Variants in BMP1 observed in about 807,000 individuals in gnomAD.
BMP1 encodes the protein mammalian tolloid protein.
A neutral mutation model predicts 116.8 loss-of-function variants in BMP1; 63 were observed. The observed-to-expected ratio is 0.54, with a 90% CI of 0.44 to 0.67. BMP1 has a LOEUF of 0.67. Among genes scored for constraint, BMP1 ranks in the 30% least tolerant of loss-of-function variants. BMP1 has a pLI of 0.00. For synonymous variants in BMP1, 536 were observed against 533.4 expected, an observed-to-expected ratio of 1.00 and a Z score of -0.07; for missense variants, 1,183 against 1,358.9, an observed-to-expected ratio of 0.87 and a Z score of 2.04.
At chr8:22,174,393 C>T (rs79922533) in intron 2 of BMP1, among the ~76,000 whole-genome samples, 1 of 152,074 alleles carries the variant, frequency 6.6e-6, no homozygotes. Flanking sequence ...TTCTTCTTAT[C>T]CTTGATTGTG....
At chr8:22,187,323 TAATTA>T (rs1349462449) in intron 8 of BMP1, among the ~76,000 whole-genome samples, 1 of 150,294 alleles carries the variant, frequency 6.7e-6, no homozygotes, top group African/African-American at 2.4e-5. Flanking sequence ...TTTAATTAAT[TAATTA>T]ATTTATTTAT....
At chr8:22,186,345 T>C (rs1216113466) in intron 8 of BMP1, among the ~76,000 whole-genome samples, 1 of 152,156 alleles carries the variant, frequency 6.6e-6, no homozygotes, top group Non-Finnish European at 1.5e-5. Flanking sequence ...ATGTGGAGGA[T>C]TGGAGGAGGG....
rs552757842 is a variant in BMP1, at chr8:22,173,551, A to T, written c.149-51A>T. On this transcript the variant is annotated intron_variant, in intron 1 of 19. Coordinates refer to ENST00000306385, the MANE Select transcript of BMP1 (RefSeq NM_006129.5). ...TTGGGGCTAGAAGCACGGTGCACCT[A>T]GGGCTGGGTAGGAGGATTAACTCAG... 6.5e-5 allele frequency: 95 copies of T among 1,452,078 alleles called. No homozygotes were observed. In the South Asian group the frequency reaches 1.1e-3, roughly 17 times the overall value. 89.9% of individuals were successfully genotyped at this position (1,452,078 alleles called of 1,614,324 possible).
intron 8 of BMP1, 58 bp from the exon 9 acceptor site, chr8:22,191,991 C>A: frequency 6.8e-7 from 1 of 1,468,530 alleles, no homozygotes; most frequent in Non-Finnish European, 9.5e-7. Context: ...ATGGGGCTGG[C>A]AGAGGGCTGG....
chr8:22,191,482 A>T (rs892795891), intron 8 of BMP1, among the ~76,000 whole-genome samples: 1 of 152,170 alleles, frequency 6.6e-6, no homozygotes, highest in Non-Finnish European at 1.5e-5. Context: ...GCACTCCTGT[A>T]ATCCCAGCAC....
Position 22,194,316 on chromosome 8 carries a change from G to A in BMP1, c.1298-129G>A, listed in dbSNP as rs1027562003. The A allele has an allele frequency of 6.9e-7, 1 of 1,459,392 alleles. No homozygotes were observed. The highest frequency in any genetic ancestry group is 9.4e-7 in the Non-Finnish European group (1 of 1,059,330). The allele number at this position is 1,459,392 out of a possible 1,614,324, so 90.4% of individuals were successfully genotyped here. On this transcript the variant is annotated intron_variant, in intron 10 of 19. Coordinates refer to ENST00000306385, the MANE Select transcript of BMP1 (RefSeq NM_006129.5). This position sits in a 1 kb window ranked among gnomAD's most constrained non-coding sequence, Gnocchi z 4.5. ...GAGAATGATGGGATTGCCTGGGACT[G>A]GGGGTTTGGTGGGGAACTGAAAAGC...
intron 17 of BMP1, 133 bp from the exon 18 acceptor site, chr8:22,207,170 C>T: frequency 7.6e-7 from 1 of 1,316,802 alleles, no homozygotes; most frequent in Non-Finnish European, 1.1e-6. Flanking sequence ...TATTCCTGGG[C>T]CCTCCTTCAC....
chr8:22,178,001 A>AAT, intron 6 of BMP1, 44 bp downstream of exon 6: 1 of 1,451,944 alleles, frequency 6.9e-7, no homozygotes, highest in East Asian at 2.3e-5. Context: ...GGGCAGCCCC[A>AAT]CCCTGCCCTC....
chr8:22,204,722 C>G (rs1001728885), intron 16 of BMP1, among the ~76,000 whole-genome samples: 1 of 150,632 alleles, frequency 6.6e-6, no homozygotes, highest in Non-Finnish European at 1.5e-5. Context: ...GACCCTGTCC[C>G]CCCCCACCCC....
rs537028437 is a variant in BMP1 at position 22,177,243 on chromosome 8, CG to C, written c.730+105del. The stretch of plus-strand genomic sequence containing the variant: ...GGCAGCCGCTCCAGCCAGCCGTCAT[CG>C]CCTGGGCCCGCAGCGCTGCCCACAG... On this transcript the variant is annotated intron_variant, in intron 5 of 19. Transcript: ENST00000306385. 8.2e-6 allele frequency: 10 copies of C among 1,223,416 alleles called. No individual in the cohort carries two copies. In the East Asian group the frequency reaches 2.6e-4, roughly 31 times the overall value. 75.8% of individuals were successfully genotyped at this position (1,223,416 alleles called of 1,614,324 possible). A position where few individuals can be genotyped will look rare whatever the true frequency, so the allele number is the denominator to read the frequency against.
Position 22,206,738 on chromosome 8 carries a change from A to C in BMP1, c.2234-116A>C, listed in dbSNP as rs1297457406. On this transcript the variant is annotated intron_variant, in intron 16 of 19. Transcript: ENST00000306385. ...GATGCCTGCCTGCCATCCAGTTCAT[A>C]AGTGGGACAAGAGATGGAAGAAAGG... 8.9e-6 allele frequency: 13 copies of C among 1,459,712 alleles called. 1 individual carries two copies. The South Asian group carries it at 1.4e-4, about 15-fold the overall frequency. 90.4% of individuals were successfully genotyped at this position (1,459,712 alleles called of 1,614,324 possible).
At chr8:22,207,679 G>A (rs921474184) in intron 18 of BMP1, among the ~76,000 whole-genome samples, 163 bp downstream of exon 18, 2 of 152,280 alleles carry the variant, frequency 1.3e-5, no homozygotes, top group Middle Eastern at 6.8e-3. Flanking sequence ...ACCAGGCCTG[G>A]GGGGCAGGGA....
rs757906589 is a variant in BMP1 at position 22,206,988 on chromosome 8, G to T, written c.2361+7G>T. ...CGGGCACCGGGTCAAGCTGGTAAGG[G>T]GTCCCCTCCCCACTCCTTATGCGGT... On this transcript the variant is annotated splice_region_variant and intron_variant, in intron 17 of 19. Transcript: ENST00000306385. The T allele has an allele frequency of 6.2e-7, 1 of 1,613,970 alleles. No homozygotes were observed. The highest frequency in any genetic ancestry group is 8.5e-7 in the Non-Finnish European group (1 of 1,179,932).
At chr8:22,196,649 G>A (rs774026210) in intron 13 of BMP1, 31 bp from the exon 14 acceptor site, 98 of 1,612,690 alleles carry the variant, frequency 6.1e-5, no homozygotes, top group Non-Finnish European at 7.5e-5. Flanking sequence ...GGGGCTCCCC[G>A]CAGACGATGC....
At chr8:22,200,455 G>C (rs752765690) in intron 15 of BMP1, among the ~76,000 whole-genome samples, 2 of 152,214 alleles carry the variant, frequency 1.3e-5, no homozygotes, top group Non-Finnish European at 2.9e-5. Flanking sequence ...TGGGAATGCA[G>C]AGTGTGTATT....
rs1264208772 is a variant in BMP1, at chr8:22,209,569, C to T, written c.2700C>T (p.Tyr900=). ...CEWVIVAEEG[Y]GVELVFQTFE... ...GGGTCATTGTGGCCGAGGAAGGCTA[C>T]GGCGTGGAGCTCGTGTTCCAGACCT... is the stretch of plus-strand genomic sequence containing the variant. Residue 900 remains tyrosine, a synonymous_variant, in exon 19 of 20, where the codon TAC becomes TAT. Transcript: ENST00000306385. 3.6e-5 allele frequency: 58 copies of T among 1,614,110 alleles called. No individual in the cohort carries two copies. Among genetic ancestry groups the T allele is most frequent in the Admixed American group, 5.0e-5 (3 of 60,004 alleles).
Position 22,201,243 on chromosome 8 carries a change from C to T in BMP1, c.2108-560C>T, listed in dbSNP as rs1473709245. The T allele has an allele frequency of 3.8e-6, 6 of 1,593,914 alleles. No homozygotes were observed. The South Asian group carries it at 4.5e-5, about 12-fold the overall frequency. On this transcript the variant is annotated intron_variant, in intron 15 of 19. Transcript: ENST00000306385. The stretch of plus-strand genomic sequence containing the variant: ...CCCGGACCCCTTGTTACTCAGGAAC[C>T]TCACCTTGGACGGAATGGGATGGGG...
rs530282445 is a variant in BMP1 at position 22,190,113 on chromosome 8, T to C, written c.1078-1936T>C. Reference sequence around the variant, plus strand: ...TTTTTTTTTGTATTTTTAGTAGAGATGAGGTTTCACCATGTTGGCCAGGCT... The same window carrying C: ...TTTTTTTTTGTATTTTTAGTAGAGACGAGGTTTCACCATGTTGGCCAGGCT... On this transcript the variant is annotated intron_variant, in intron 8 of 19. Coordinates refer to ENST00000306385, the MANE Select transcript of BMP1 (RefSeq NM_006129.5). Among the ~76,000 whole-genome samples the C allele has an allele frequency of 1.1e-4, 17 of 151,924 alleles. No individual in the cohort carries two copies. The East Asian group carries it at 2.7e-3, about 24-fold the overall frequency.
rs7823549 is a variant in BMP1 at position 22,193,733 on chromosome 8, A to G, written c.1181-325A>G. Among the ~76,000 whole-genome samples the G allele has an allele frequency of 0.19, 29,390 of 152,170 alleles. 3,636 individuals are homozygous for G. Among genetic ancestry groups the G allele is most frequent in the African/African-American group, 0.36 (14,893 of 41,466 alleles). On this transcript the variant is annotated intron_variant, in intron 9 of 19. Transcript: ENST00000306385. ...CAGGAGGCAGAGGTTGCAGTGAGCC[A>G]AGAGCGTGCCACTGCACTCCAGCCT...
Sources: allele counts gnomAD v4.1 joint callset (sites outside exome capture counted in the v4.1 genomes callset), GRCh38; gene constraint gnomAD v4.1.1; non-coding constraint Gnocchi (gnomAD v3.1); transcripts MANE v1.5; gene names NCBI Gene and HGNC (gene_info 2026-07-23, HGNC 2026-07-21).